TMEM132E: variants seen among roughly 807,000 people sequenced by gnomAD.
The protein encoded by TMEM132E is transmembrane protein 132E.
In TMEM132E, 49 loss-of-function variants were observed where a neutral mutation model predicts 78.5. That is an observed-to-expected ratio of 0.62 (90% CI 0.50 to 0.79). The LOEUF (loss-of-function observed/expected upper bound fraction) is 0.79, where lower values mean the gene tolerates loss of function less well. TMEM132E is among the 30% of genes least tolerant of loss of function. TMEM132E has a pLI of 0.00. For synonymous variants in TMEM132E, 715 were observed against 670.6 expected (o/e 1.07, Z -1.02); for missense variants, 1,403 against 1,470.9 (o/e 0.95, Z 0.75).
rs758903682 is a variant in TMEM132E, at chr17:34,634,937, T to C, written c.1827T>C (p.Thr609=). 5.6e-6 allele frequency: 9 copies of C among 1,614,102 alleles called. No homozygotes were observed. In the African/African-American group the frequency reaches 8.0e-5, roughly 14 times the overall value. The stretch of plus-strand genomic sequence containing the variant: ...TCCACACGACATCATCCGAGGGCAC[T>C]GACCAGGTGGTCACCATGTTAGGCC... The part of the protein sequence containing the change: ...TQFHTTSSEG[T]DQVVTMLGPD... Residue 609 remains threonine, a synonymous_variant, in exon 7 of 9, where the codon ACT becomes ACC. Transcript: ENST00000631683.
At chr17:34,582,271 G>A (rs919973379) in intron 1 of TMEM132E, among the ~76,000 whole-genome samples, 2 of 152,078 alleles carry the variant, frequency 1.3e-5, no homozygotes, top group Non-Finnish European at 2.9e-5. Context: ...CCCTCGGTGT[G>A]CCGGGCTCAG....
At chr17:34,636,234 G>C (rs1300067431) in intron 8 of TMEM132E, 36 bp downstream of exon 8, 2 of 1,418,948 alleles carry the variant, frequency 1.4e-6, no homozygotes, top group Non-Finnish European at 1.9e-6. Flanking sequence ...CAGGGAGTTG[G>C]TGGTATGGAA....
chr17:34,591,409 A>G (rs1905867171), intron 1 of TMEM132E, among the ~76,000 whole-genome samples: 1 of 151,992 alleles, frequency 6.6e-6, no homozygotes, highest in Non-Finnish European at 1.5e-5. Context: ...GGCTCAAACA[A>G]TCCTCCCACC....
chr17:34,610,108 T>C (rs140202324), intron 1 of TMEM132E, among the ~76,000 whole-genome samples: 1 of 152,334 alleles, frequency 6.6e-6, no homozygotes, highest in East Asian at 1.9e-4. Flanking sequence ...CTTTCTTTTG[T>C]GGGCATCTGG....
intron 1 of TMEM132E, among the ~76,000 whole-genome samples, chr17:34,600,003 G>A (rs1401982101): frequency 6.6e-6 from 1 of 152,230 alleles, no homozygotes; most frequent in Non-Finnish European, 1.5e-5. Flanking sequence ...AGGCCCTGGG[G>A]CCAGAGGACA....
chr17:34,596,101 G>C (rs1031714402), intron 1 of TMEM132E, among the ~76,000 whole-genome samples: 2 of 151,376 alleles, frequency 1.3e-5, no homozygotes, highest in South Asian at 2.1e-4. Context: ...ACCAGTGCAG[G>C]CCTCTGATTC....
chr17:34,624,152 T>C (rs145916921), intron 1 of TMEM132E, among the ~76,000 whole-genome samples: 6 of 152,392 alleles, frequency 3.9e-5, no homozygotes, highest in Admixed American at 3.9e-4. Context: ...GATTTTATTT[T>C]TTTGAAGGAT....
intron 1 of TMEM132E, 106 bp downstream of exon 1, chr17:34,581,249 C>A: frequency 1.9e-6 from 2 of 1,069,148 alleles, no homozygotes; most frequent in Non-Finnish European, 1.2e-6. Flanking sequence ...GACTCGCAGC[C>A]GCCACTCCGG....
rs1224567092 is a variant in TMEM132E, at chr17:34,626,215, G to A, written c.156G>A (p.Thr52=). The change falls in exon 2 of 9, where the codon ACG becomes ACA. Residue 52 remains threonine, a synonymous_variant. Transcript: ENST00000631683. ...CAGTCAGCTACCGCCTGTCGCACAC[G>A]CGGCTGGCCTTCTTCCTGCGGGAGG... ...VLPVSYRLSH[T]RLAFFLREAR... 1 of 1,579,724 alleles carries A rather than the reference G, an allele frequency of 6.3e-7. No individual in the cohort carries two copies. Among genetic ancestry groups the A allele is most frequent in the Admixed American group, 1.8e-5 (1 of 55,386 alleles).
intron 1 of TMEM132E, among the ~76,000 whole-genome samples, chr17:34,597,992 G>C (rs1906114514): frequency 6.6e-6 from 1 of 152,118 alleles, no homozygotes. Flanking sequence ...CTAAATCAAT[G>C]ATTTCCTAAA....
chr17:34,594,703 C>T (rs1253286791), intron 1 of TMEM132E, among the ~76,000 whole-genome samples: 1 of 152,318 alleles, frequency 6.6e-6, no homozygotes, highest in Non-Finnish European at 1.5e-5. Flanking sequence ...GATCCTCCTG[C>T]CTCAGCCTCC....
intron 1 of TMEM132E, among the ~76,000 whole-genome samples, chr17:34,602,769 T>C (rs1391520004): frequency 6.6e-6 from 1 of 152,176 alleles, no homozygotes; most frequent in African/African-American, 2.4e-5. Context: ...GCAGGATTAG[T>C]GTCCACGAAG....
At position 34,637,519 on chromosome 17, in the gene TMEM132E, G is replaced by T; in HGVS notation, c.2512G>T (p.Glu838Ter). ...SQPGPGGGED[E>*]ARGAGPPGSA... ...ACCAGGGCCCGGCGGGGGCGAGGAC[G>T]AGGCCCGGGGAGCTGGCCCGCCGGG... The change falls in exon 9 of 9, where the codon GAG becomes TAG. Residue 838 changes from glutamate to a stop codon, truncating the protein, a stop_gained. Transcript: ENST00000631683. LOFTEE classifies it high-confidence loss of function. 6.2e-7 allele frequency: 1 copy of T among 1,601,446 alleles called. No individual in the cohort carries two copies. The highest frequency in any genetic ancestry group is 8.5e-7 in the Non-Finnish European group (1 of 1,175,098).
chr17:34,604,624 C>T (rs1906351989), intron 1 of TMEM132E, among the ~76,000 whole-genome samples: 1 of 152,164 alleles, frequency 6.6e-6, no homozygotes, highest in Non-Finnish European at 1.5e-5. Flanking sequence ...GCTTCCAGCT[C>T]TGCATCTCCA....
At chr17:34,620,407 G>A (rs1278399969) in intron 1 of TMEM132E, among the ~76,000 whole-genome samples, 1 of 152,232 alleles carries the variant, frequency 6.6e-6, no homozygotes, top group Non-Finnish European at 1.5e-5. Context: ...CAGTGTTCAG[G>A]GCCCACCGGG....
At chr17:34,599,598 G>C (rs1364276376) in intron 1 of TMEM132E, among the ~76,000 whole-genome samples, 1 of 152,212 alleles carries the variant, frequency 6.6e-6, no homozygotes, top group Non-Finnish European at 1.5e-5. Flanking sequence ...GTGAAAACTA[G>C]AACTCAGGCA....
chr17:34,629,132 T>C lies in TMEM132E; in HGVS notation c.1266T>C (p.Pro422=). Residue 422 remains proline, a synonymous_variant, in exon 4 of 9, where the codon CCT becomes CCC. Coordinates refer to ENST00000631683, the MANE Select transcript of TMEM132E (RefSeq NM_001304438.2). The stretch of plus-strand genomic sequence containing the variant: ...ACTACCGTGGCCACGGCGCCCTGCC[T>C]GACCTGGAGCGGGCAGTCACTGAGC... ...HIDYRGHGAL[P]DLERAVTELT... is the part of the protein sequence containing the mutation. The C allele has an allele frequency of 6.2e-7, 1 of 1,613,948 alleles. No individual in the cohort carries two copies. The highest frequency in any genetic ancestry group is 8.5e-7 in the Non-Finnish European group (1 of 1,179,900).
intron 1 of TMEM132E, among the ~76,000 whole-genome samples, chr17:34,599,014 C>G (rs971906916): frequency 2.6e-5 from 4 of 152,238 alleles, no homozygotes; most frequent in Non-Finnish European, 5.9e-5. Context: ...CTCATAGGAG[C>G]TGACCTGAGT....
chr17:34,613,091 C>G (rs150689514), intron 1 of TMEM132E, among the ~76,000 whole-genome samples: 57 of 151,546 alleles, frequency 3.8e-4, no homozygotes, highest in African/African-American at 1.3e-3. Context: ...CCAGAGCCTC[C>G]CCTCCCAAAG....
Sources: allele counts gnomAD v4.1 joint callset (sites outside exome capture counted in the v4.1 genomes callset), GRCh38; gene constraint gnomAD v4.1.1; transcripts MANE v1.5; gene names NCBI Gene and HGNC (gene_info 2026-07-23, HGNC 2026-07-21).